Variants in EPG5 observed in about 807,000 individuals in gnomAD.
The protein encoded by EPG5 is ectopic P-granules 5 autophagy tethering factor, also known as ectopic P granules protein 5 homolog.
EPG5 carries 159 observed loss-of-function variants against 302.7 expected under a neutral mutation model. The observed-to-expected ratio is 0.53, with a 90% CI of 0.46 to 0.60. EPG5 has a LOEUF of 0.60. Among genes scored for constraint, EPG5 ranks in the 20% least tolerant of loss-of-function variants. The pLI, the probability that EPG5 is intolerant of heterozygous loss-of-function variation, is 0.00. For synonymous variants in EPG5, 1,158 were observed against 1,136.8 expected (o/e 1.02, Z -0.37); for missense variants, 2,896 against 3,092.4 (o/e 0.94, Z 1.51).
chr18:45,948,622 C>T lies in EPG5; in HGVS notation c.1498-46G>A, dbSNP rs780611991. 5 of 1,470,836 alleles carry T rather than the reference C, an allele frequency of 3.4e-6. No homozygotes were observed. The South Asian group carries it at 4.6e-5, about 14-fold the overall frequency. 91.1% of individuals were successfully genotyped at this position (1,470,836 alleles called of 1,614,324 possible). Reference sequence around the variant, plus strand: ...AGCATACTGTAGAAAACAAATAACCCAAGTGTCCATAATCTTGGTTCACAA... The same window carrying T: ...AGCATACTGTAGAAAACAAATAACCTAAGTGTCCATAATCTTGGTTCACAA... On this transcript the variant is annotated intron_variant, in intron 5 of 43. Coordinates refer to ENST00000282041, the MANE Select transcript of EPG5 (RefSeq NM_020964.3).
intron 17 of EPG5, 82 bp downstream of exon 17, chr18:45,917,597 A>T: frequency 1.3e-6 from 2 of 1,532,248 alleles, no homozygotes; most frequent in Non-Finnish European, 1.8e-6. Context: ...CCTTTATTTT[A>T]CTTAAGAAAC....
Position 45,879,169 on chromosome 18 carries a change from G to A in EPG5, c.5713C>T (p.Arg1905Trp), listed in dbSNP as rs759013844. ...QWLSDFFYKL[R>W]LSKMDFKSFG... ...CTTTTAAAGTCCATCTTGGATAACC[G>A]AAGCTTATAAAAAAAGTCTGAAAGC... Residue 1905 changes from arginine (R) to tryptophan (W), a missense_variant, in exon 33 of 44, where the codon CGG becomes TGG. Around this residue, in one of 5 missense-constraint regions of EPG5, gnomAD observed 790 missense variants for 798.0 expected, o/e 0.99. Transcript: ENST00000282041. 7.4e-6 allele frequency: 12 copies of A among 1,613,740 alleles called. No individual in the cohort carries two copies. Among genetic ancestry groups the A allele is most frequent in the Non-Finnish European group, 5.9e-6 (7 of 1,179,960 alleles).
the EPG5 span, among the ~76,000 whole-genome samples, chr18:45,839,789 T>C: frequency 6.6e-6 from 1 of 152,190 alleles, no homozygotes; most frequent in Non-Finnish European, 1.5e-5. Context: ...CTGTCTCTGA[T>C]CTGGATCAGA....
At chr18:45,941,945 C>T (rs368241499) in intron 9 of EPG5, among the ~76,000 whole-genome samples, 1 of 152,092 alleles carries the variant, frequency 6.6e-6, no homozygotes, top group Non-Finnish European at 1.5e-5. Flanking sequence ...ACCCCCAGGC[C>T]GGGCACAGTA....
At chr18:45,878,988 C>G in intron 33 of EPG5, 25 bp downstream of exon 33, 2 of 1,599,392 alleles carry the variant, frequency 1.3e-6, no homozygotes, top group Non-Finnish European at 1.7e-6. Context: ...ACACCTAGCT[C>G]CACATCGCAT....
chr18:45,879,214 C>A lies in EPG5; in HGVS notation c.5668G>T (p.Val1890Leu), dbSNP rs760734107. The change falls in exon 33 of 44, where the codon GTA becomes TTA. Residue 1890 changes from valine (V) to leucine (L), a missense_variant and splice_region_variant. By Grantham distance (32) the Val-to-Leu change is conservative. Around this residue, in one of 5 missense-constraint regions of EPG5, gnomAD observed 790 missense variants for 798.0 expected, o/e 0.99. Transcript: ENST00000282041. ...SSDALLSDKQ[V>L]METIQWLSDF... Reference sequence around the variant, plus strand: ...GAAAGCCACTGTATAGTCTCCATTACCTGGAAGAGACAACTAGTCAAAAAA... The same window carrying A: ...GAAAGCCACTGTATAGTCTCCATTAACTGGAAGAGACAACTAGTCAAAAAA... The A allele has an allele frequency of 6.3e-7, 1 of 1,598,146 alleles. No homozygotes were observed. The highest frequency in any genetic ancestry group is 1.1e-5 in the South Asian group (1 of 87,992).
At chr18:45,902,650 A>G (rs2049647170) in intron 25 of EPG5, among the ~76,000 whole-genome samples, 1 of 152,242 alleles carries the variant, frequency 6.6e-6, no homozygotes, top group Admixed American at 6.5e-5. Context: ...ATAACCACAA[A>G]TTAAATCATT....
chr18:45,898,666 C>A (rs989202040), intron 27 of EPG5, among the ~76,000 whole-genome samples: 1 of 152,228 alleles, frequency 6.6e-6, no homozygotes, highest in African/African-American at 2.4e-5. Flanking sequence ...CCATGTGCAG[C>A]AGACAGCCAG....
chr18:45,923,382 G>C lies in EPG5; in HGVS notation c.2724C>G (p.Thr908=). The change falls in exon 15 of 44, where the codon ACC becomes ACG. Residue 908 remains threonine (T), a synonymous_variant. Transcript: ENST00000282041. ...CATGGACTGCTTGATCCAGATGAAGGGTAGCCTTTTAAAGAGAAAAATAAT... is the reference window on the plus strand; with the variant it reads ...CATGGACTGCTTGATCCAGATGAAGCGTAGCCTTTTAAAGAGAAAAATAAT... The part of the protein sequence containing the change: ...GLNWGFAKQA[T]LHLDQAVHAE... The C allele has an allele frequency of 1.9e-6, 3 of 1,609,978 alleles. No homozygotes were observed. The highest frequency in any genetic ancestry group is 2.5e-6 in the Non-Finnish European group (3 of 1,178,950).
rs150912855 is a variant in EPG5, at chr18:45,891,599, A to T, written c.4810-1659T>A. On this transcript the variant is annotated intron_variant, in intron 27 of 43. Transcript: ENST00000282041. Reference sequence around the variant, plus strand: ...ACAGCATAACTCTGACAATACACTGAGCAACTATTTTTTATGACTGTGATA... The same window carrying T: ...ACAGCATAACTCTGACAATACACTGTGCAACTATTTTTTATGACTGTGATA... Among the ~76,000 whole-genome samples the T allele has an allele frequency of 1.1e-3, 170 of 152,222 alleles. 1 individual carries two copies. The highest frequency in any genetic ancestry group is 0.01 in the Middle Eastern group (3 of 294).
the EPG5 span, among the ~76,000 whole-genome samples, chr18:45,810,204 G>A: frequency 2.0e-5 from 3 of 152,176 alleles, no homozygotes; most frequent in Non-Finnish European, 4.4e-5. Flanking sequence ...ATCAAGCAGT[G>A]AGATTGAGAT....
At chr18:45,870,492 A>G in intron 36 of EPG5, 75 bp downstream of exon 36, 3 of 1,361,058 alleles carry the variant, frequency 2.2e-6, no homozygotes, top group South Asian at 1.4e-5. Flanking sequence ...CACTATGCCT[A>G]ACAACCACAG....
At chr18:45,928,665 A>C (rs2050329871) in intron 13 of EPG5, among the ~76,000 whole-genome samples, 1 of 152,208 alleles carries the variant, frequency 6.6e-6, no homozygotes, top group African/African-American at 2.4e-5. Flanking sequence ...ATTTGAGAGA[A>C]ACAATCACAT....
intron 40 of EPG5, among the ~76,000 whole-genome samples, chr18:45,859,146 T>C (rs2048580246): frequency 6.6e-6 from 1 of 152,262 alleles, no homozygotes; most frequent in East Asian, 1.9e-4. Flanking sequence ...ATTTTAACTT[T>C]AATACCCTTT....
At chr18:45,845,060 T>C (rs2048353347), downstream of EPG5, among the ~76,000 whole-genome samples, 1 of 152,224 alleles carries the variant, frequency 6.6e-6, no homozygotes, top group African/African-American at 2.4e-5. Flanking sequence ...TTGAAGTTTG[T>C]TGTTTCTAAG....
At position 45,935,086 on chromosome 18, in the gene EPG5, T is replaced by C. The variant is rs534413824; in HGVS notation, c.2100-120A>G. ...AAATCACACTATGATTTTTCTAATA[T>C]GCTTTAGTCATAAACACCTCAAGGA... On this transcript the variant is annotated intron_variant, in intron 10 of 43. Coordinates refer to ENST00000282041, the MANE Select transcript of EPG5 (RefSeq NM_020964.3). The C allele has an allele frequency of 6.5e-4, 698 of 1,068,232 alleles. 6 individuals carry two copies. The Middle Eastern group carries it at 0.01, about 15-fold the overall frequency. 66.2% of individuals were successfully genotyped at this position (1,068,232 alleles called of 1,614,324 possible).
chr18:45,806,553 C>A, the EPG5 span, among the ~76,000 whole-genome samples: 1 of 152,064 alleles, frequency 6.6e-6, no homozygotes, highest in Admixed American at 6.5e-5. Flanking sequence ...ATTGTCTGCC[C>A]CTGAACACAC....
At chr18:45,815,146 A>G in the EPG5 span, among the ~76,000 whole-genome samples, 3 of 152,118 alleles carry the variant, frequency 2.0e-5, no homozygotes, top group Non-Finnish European at 4.4e-5. Flanking sequence ...TTCATCTGAC[A>G]CTCAGTTTTC....
chr18:45,859,933 A>T (rs1376547968), intron 40 of EPG5, among the ~76,000 whole-genome samples, 171 bp downstream of exon 40: 1 of 152,252 alleles, frequency 6.6e-6, no homozygotes, highest in Non-Finnish European at 1.5e-5. Flanking sequence ...CTAACTGCAG[A>T]TCTTTATGAA....
Sources: allele counts gnomAD v4.1 joint callset (sites outside exome capture counted in the v4.1 genomes callset), GRCh38; gene constraint gnomAD v4.1.1; regional missense constraint gnomAD v4.1.1; transcripts MANE v1.5; gene names NCBI Gene and HGNC (gene_info 2026-07-23, HGNC 2026-07-21).